Variants in ETV5 observed in about 807,000 individuals in gnomAD.
ETV5 encodes ETS translocation variant 5.
Under a neutral mutation model 70.0 loss-of-function variants are expected in ETV5, and 10 were observed. The observed-to-expected ratio is 0.14, with a 90% CI of 0.09 to 0.24. The LOEUF is 0.24. Among genes scored for constraint, ETV5 ranks in the 10% least tolerant of loss-of-function variants. The pLI, the probability that ETV5 is intolerant of heterozygous loss-of-function variation, is 1.00. For synonymous variants in ETV5, 216 were observed against 242.2 expected (o/e 0.89, Z 1.01); for missense variants, 453 against 651.2 (o/e 0.70, Z 3.31).
At chr3:186,058,821 C>T (rs760822471) in intron 9 of ETV5, among the ~76,000 whole-genome samples, 3 of 151,942 alleles carry the variant, frequency 2.0e-5, no homozygotes, top group Non-Finnish European at 4.4e-5. Flanking sequence ...CGAGACCAGC[C>T]TGGCCAACAT....
In ETV5 at chr3:186,064,427, G is replaced by A. The variant is rs905889735; in HGVS notation, c.960C>T (p.Ser320=). Residue 320 remains serine (S), a synonymous_variant, in exon 9 of 13, where the codon AGC becomes AGT. Transcript: ENST00000306376. ...SSYMRGGYFS[S]SHEGFSYEKD... ...AAGCAGGTTCCTTACCTTCATGGCT[G>A]CTGGAGAAATAACCCCCTCTCATGT... 7 of 1,614,030 alleles carry A rather than the reference G, an allele frequency of 4.3e-6. No individual in the cohort carries two copies. In the African/African-American group the frequency reaches 9.3e-5, roughly 22 times the overall value.
chr3:186,062,576 C>A (rs1038829147), intron 9 of ETV5, among the ~76,000 whole-genome samples: 1 of 152,078 alleles, frequency 6.6e-6, no homozygotes, highest in Non-Finnish European at 1.5e-5. Context: ...GAGCTGAGAT[C>A]CGCCACTGCA....
intron 7 of ETV5, among the ~76,000 whole-genome samples, chr3:186,073,863 T>A (rs192668431): frequency 3.9e-5 from 6 of 152,310 alleles, no homozygotes; most frequent in Admixed American, 3.9e-4. Context: ...CAAACTTCCA[T>A]GTACAGTCAC....
intron 9 of ETV5, among the ~76,000 whole-genome samples, chr3:186,063,183 T>C (rs113482499): frequency 1.1e-4 from 17 of 152,150 alleles, no homozygotes; most frequent in African/African-American, 3.6e-4. Context: ...GGCAGGAGAA[T>C]GGCGTGAACC....
chr3:186,059,023 A>AT (rs1560045843), intron 9 of ETV5, among the ~76,000 whole-genome samples: 2 of 151,080 alleles, frequency 1.3e-5, no homozygotes, highest in Non-Finnish European at 1.5e-5. Context: ...AAAAAAAAAA[A>AT]AATAAAATAA....
At chr3:186,081,845 C>T (rs1179324358) in intron 5 of ETV5, among the ~76,000 whole-genome samples, 3 of 152,218 alleles carry the variant, frequency 2.0e-5, no homozygotes, top group African/African-American at 4.8e-5. Flanking sequence ...ACAACATCTG[C>T]TCCAGGCCTG....
At chr3:186,076,752 C>T (rs915199855) in intron 7 of ETV5, among the ~76,000 whole-genome samples, 1 of 152,162 alleles carries the variant, frequency 6.6e-6, no homozygotes, top group African/African-American at 2.4e-5. Flanking sequence ...CCTCAAAGAG[C>T]TTACTCTATT....
At chr3:186,090,080 G>C (rs1046080005) in intron 5 of ETV5, among the ~76,000 whole-genome samples, 2 of 152,118 alleles carry the variant, frequency 1.3e-5, no homozygotes, top group African/African-American at 4.8e-5. Flanking sequence ...CAGCTATTAT[G>C]TCCCATTTCC....
intron 12 of ETV5, 50 bp downstream of exon 12, chr3:186,051,980 T>C (rs374196073): frequency 1.6e-5 from 25 of 1,585,354 alleles, no homozygotes; most frequent in East Asian, 4.5e-5. Context: ...CCCTGGACTT[T>C]TTCCTTAAAA....
At position 186,052,001 on chromosome 3, in the gene ETV5, T is replaced by C; in HGVS notation, c.1311+29A>G. 6.2e-7 allele frequency: 1 copy of C among 1,605,106 alleles called. No homozygotes were observed. The highest frequency in any genetic ancestry group is 8.5e-7 in the Non-Finnish European group (1 of 1,172,652). ...ACTTTTTCCTTAAAAGAGACCAGAG[T>C]GGGCTAAGGGTCTTGTATAATGGCT... is the stretch of plus-strand genomic sequence containing the variant. On this transcript the variant is annotated intron_variant, in intron 12 of 12. Coordinates refer to ENST00000306376, the MANE Select transcript of ETV5 (RefSeq NM_004454.3). The surrounding 1 kb of genome is among the most constrained non-coding windows in gnomAD (Gnocchi z 4.5).
Position 186,057,090 on chromosome 3 carries a change from C to T in ETV5, c.1194G>A (p.Leu398=), listed in dbSNP as rs1421377717. The T allele has an allele frequency of 1.2e-6, 2 of 1,614,176 alleles. No homozygotes were observed. The highest frequency in any genetic ancestry group is 2.2e-5 in the East Asian group (1 of 44,882). ...AWTGRGMEFK[L]IEPEEVARRW... ...CAGTGCATACCTCTTCCGGTTCTATCAGCTTGAACTCCATGCCTCGACCTG... is the reference window on the plus strand; with the variant it reads ...CAGTGCATACCTCTTCCGGTTCTATTAGCTTGAACTCCATGCCTCGACCTG... The change falls in exon 11 of 13, where the codon CTG becomes CTA. Residue 398 remains leucine, a synonymous_variant. Coordinates refer to ENST00000306376, the MANE Select transcript of ETV5 (RefSeq NM_004454.3). The surrounding 1 kb of genome is among the most constrained non-coding windows in gnomAD (Gnocchi z 4.9).
intron 5 of ETV5, among the ~76,000 whole-genome samples, chr3:186,098,323 T>TAGGGCACAAA (rs1714362616): frequency 3.3e-5 from 5 of 152,150 alleles, no homozygotes. Flanking sequence ...TGGTTTGCAT[T>TAGGGCACAAA]AGGGCACAAC....
chr3:186,061,499 G>A (rs1223146520), intron 9 of ETV5, among the ~76,000 whole-genome samples: 3 of 152,188 alleles, frequency 2.0e-5, no homozygotes, highest in African/African-American at 7.2e-5. Context: ...CTGAGAATGT[G>A]CATTTCTAAA....
chr3:186,051,750 T>A (rs1376802986), intron 12 of ETV5, among the ~76,000 whole-genome samples: 2 of 152,232 alleles, frequency 1.3e-5, no homozygotes, highest in Non-Finnish European at 2.9e-5. Context: ...TGGAAATTTC[T>A]ATATATAGAA....
intron 7 of ETV5, among the ~76,000 whole-genome samples, chr3:186,067,692 G>A (rs1417824438): frequency 6.6e-6 from 1 of 151,434 alleles, no homozygotes; most frequent in Non-Finnish European, 1.5e-5. Flanking sequence ...GAAAACCTAA[G>A]TATCATACCA....
chr3:186,093,324 C>T (rs1714228514), intron 5 of ETV5, among the ~76,000 whole-genome samples: 1 of 152,068 alleles, frequency 6.6e-6, no homozygotes, highest in South Asian at 2.1e-4. Flanking sequence ...CATTCTCACA[C>T]TGTTAAAAAT....
chr3:186,079,650 A>G (rs919547937), intron 7 of ETV5, among the ~76,000 whole-genome samples, 167 bp downstream of exon 7: 7 of 152,224 alleles, frequency 4.6e-5, no homozygotes, highest in African/African-American at 1.7e-4. Context: ...AGGGTGGTAT[A>G]TAAACAGTCA....
At chr3:186,050,341 C>G (rs1402672322) in intron 12 of ETV5, among the ~76,000 whole-genome samples, 1 of 152,142 alleles carries the variant, frequency 6.6e-6, no homozygotes, top group South Asian at 2.1e-4. Flanking sequence ...TTAGAAAACA[C>G]AGAAGCTAGT....
intron 1 of ETV5, among the ~76,000 whole-genome samples, chr3:186,108,117 C>T (rs1282675807): frequency 6.6e-6 from 1 of 151,738 alleles, no homozygotes; most frequent in Non-Finnish European, 1.5e-5. Flanking sequence ...CAACCGCTTC[C>T]AATCCCCCCA....
Sources: allele counts gnomAD v4.1 joint callset (sites outside exome capture counted in the v4.1 genomes callset), GRCh38; gene constraint gnomAD v4.1.1; non-coding constraint Gnocchi (gnomAD v3.1); transcripts MANE v1.5; gene names NCBI Gene and HGNC (gene_info 2026-07-23, HGNC 2026-07-21).